The following ATXN1 variants were observed in gnomAD, a reference collection of about 807,000 sequenced individuals.
ATXN1 encodes the protein ataxin 1.
A neutral mutation model predicts 56.4 loss-of-function variants in ATXN1; 8 were observed. That is an observed-to-expected ratio of 0.14 (90% CI 0.08 to 0.26). The LOEUF is 0.26. ATXN1 is among the 10% of genes least tolerant of loss of function. The pLI, the probability that ATXN1 is intolerant of heterozygous loss-of-function variation, is 1.00. For synonymous variants in ATXN1, 514 were observed against 494.6 expected (o/e 1.04, Z -0.52); for missense variants, 987 against 1,106.5 (o/e 0.89, Z 1.53).
At chr6:16,595,981 C>A (rs1762806876) in intron 3 of ATXN1, among the ~76,000 whole-genome samples, 1 of 152,128 alleles carries the variant, frequency 6.6e-6, no homozygotes, top group Admixed American at 6.6e-5. Flanking sequence ...GTCAAGGAAG[C>A]TTTTGCAGCC....
At chr6:16,466,717 A>T (rs1449733349) in intron 6 of ATXN1, among the ~76,000 whole-genome samples, 5 of 152,236 alleles carry the variant, frequency 3.3e-5, no homozygotes, top group African/African-American at 1.2e-4. Context: ...ATATCCATAG[A>T]AAATCTTCTG....
intron 2 of ATXN1, among the ~76,000 whole-genome samples, chr6:16,745,234 T>C (rs1403744847): frequency 2.0e-5 from 3 of 152,240 alleles, no homozygotes; most frequent in Non-Finnish European, 4.4e-5. Context: ...AAGCTCCCTC[T>C]AACTTAGTAT....
chr6:16,565,900 C>T (rs1341384199), intron 4 of ATXN1, among the ~76,000 whole-genome samples: 4 of 152,082 alleles, frequency 2.6e-5, no homozygotes, highest in Non-Finnish European at 5.9e-5. Flanking sequence ...AAAGCACATC[C>T]GGCAAGTGTA....
intron 2 of ATXN1, among the ~76,000 whole-genome samples, chr6:16,703,946 G>C (rs138767035): frequency 0.047 from 7,176 of 152,266 alleles, 183 homozygotes; most frequent in Middle Eastern, 0.092. Context: ...TTGAACCTGG[G>C]GGGTGGAGGT....
At chr6:16,402,242 G>GTTTTTTTTTTTTTTTTT (rs58048762) in intron 6 of ATXN1, among the ~76,000 whole-genome samples, 1 of 62,120 alleles carries the variant, frequency 1.6e-5, no homozygotes, top group Non-Finnish European at 2.9e-5. Flanking sequence ...ACCACTGACA[G>GTTTTTTTTTTTTTTTTT]TTTTTTTTTT....
chr6:16,312,707 G>A (rs1181212787), intron 7 of ATXN1, among the ~76,000 whole-genome samples: 1 of 152,036 alleles, frequency 6.6e-6, no homozygotes, highest in African/African-American at 2.4e-5. Context: ...GACTGAAGGA[G>A]CATTATGACC....
At chr6:16,618,708 C>A (rs1216970664) in intron 3 of ATXN1, among the ~76,000 whole-genome samples, 1 of 125,076 alleles carries the variant, frequency 8.0e-6, no homozygotes. Flanking sequence ...GGTGGCAGAG[C>A]GAGACTCCGT....
chr6:16,493,654 C>A (rs1760714042), intron 5 of ATXN1, among the ~76,000 whole-genome samples: 1 of 152,078 alleles, frequency 6.6e-6, no homozygotes, highest in Non-Finnish European at 1.5e-5. Context: ...AATGATAACT[C>A]TTTGATCAAT....
At chr6:16,426,175 C>T (rs563001052) in intron 6 of ATXN1, among the ~76,000 whole-genome samples, 6 of 152,164 alleles carry the variant, frequency 3.9e-5, no homozygotes, top group African/African-American at 1.4e-4. Context: ...GGCAATATTG[C>T]TTGAAATTTA....
chr6:16,495,488 C>T (rs1308235130), intron 5 of ATXN1, among the ~76,000 whole-genome samples: 1 of 152,180 alleles, frequency 6.6e-6, no homozygotes, highest in Non-Finnish European at 1.5e-5. Flanking sequence ...CTATCAAAGC[C>T]ACAACTTCCT....
At chr6:16,430,685 G>T (rs1202789915) in intron 6 of ATXN1, among the ~76,000 whole-genome samples, 1 of 152,004 alleles carries the variant, frequency 6.6e-6, no homozygotes, top group Admixed American at 6.6e-5. Flanking sequence ...CGATGATAGG[G>T]GTGCAGTGGC....
At chr6:16,613,674 A>C (rs893443601) in intron 3 of ATXN1, among the ~76,000 whole-genome samples, 1 of 151,962 alleles carries the variant, frequency 6.6e-6, no homozygotes, top group African/African-American at 2.4e-5. Context: ...AAGTTAAAAA[A>C]GAAAAAGAGC....
intron 6 of ATXN1, among the ~76,000 whole-genome samples, chr6:16,443,752 A>G (rs1759570840): frequency 6.6e-6 from 1 of 152,230 alleles, no homozygotes; most frequent in South Asian, 2.1e-4. Context: ...ATACTGATGT[A>G]AAATGAATGA....
At chr6:16,705,871 T>A (rs1174231076) in intron 2 of ATXN1, among the ~76,000 whole-genome samples, 1 of 152,124 alleles carries the variant, frequency 6.6e-6, no homozygotes, top group Non-Finnish European at 1.5e-5. Context: ...TGCATAGCAC[T>A]AACAGAATGA....
chr6:16,736,702 G>A (rs1581406386), intron 2 of ATXN1: 1 of 152,148 alleles, frequency 6.6e-6, no homozygotes, highest in Non-Finnish European at 1.5e-5. Flanking sequence ...CATATTCCAG[G>A]TATAAATCCC....
At position 16,306,470 on chromosome 6, in the gene ATXN1, CG is replaced by C; in HGVS notation, c.2306del (p.Thr769ArgfsTer23). ...CTGGCGCCGACCACCTCCTCTTCCT[CG>C]TTGCCGCGGGCTTGCTGGGTTCTAT... is the stretch of plus-strand genomic sequence containing the variant. ...TKIEPSKPAA[T>X]RKRRWSAPES... is the part of the protein sequence containing the mutation. On this transcript the variant is annotated frameshift_variant, in exon 8 of 8. Transcript: ENST00000436367. LOFTEE classifies it high-confidence loss of function. This position sits in a 1 kb window ranked among gnomAD's most constrained non-coding sequence, Gnocchi z 5.2. 6.2e-7 allele frequency: 1 copy of C among 1,614,198 alleles called. No individual in the cohort carries two copies. The highest frequency in any genetic ancestry group is 8.5e-7 in the Non-Finnish European group (1 of 1,180,038).
chr6:16,335,040 A>G (rs1163311163), intron 6 of ATXN1, among the ~76,000 whole-genome samples: 1 of 152,248 alleles, frequency 6.6e-6, no homozygotes, highest in Non-Finnish European at 1.5e-5. Context: ...ACTCAGGGAT[A>G]TGGGGTAGGG....
intron 6 of ATXN1, among the ~76,000 whole-genome samples, chr6:16,429,382 A>AAAT (rs1318837898): frequency 6.6e-6 from 1 of 150,390 alleles, no homozygotes; most frequent in African/African-American, 2.4e-5. Flanking sequence ...AGCATTAAAA[A>AAAT]AAAAAACAAC....
chr6:16,356,449 T>C (rs1222922971), intron 6 of ATXN1, among the ~76,000 whole-genome samples: 1 of 152,240 alleles, frequency 6.6e-6, no homozygotes, highest in Non-Finnish European at 1.5e-5. Flanking sequence ...GTTATGGGAA[T>C]AGTAATGAAT....
Sources: gnomAD v4.1 joint callset for allele counts (sites outside exome capture counted in the v4.1 genomes callset) on GRCh38, gnomAD v4.1.1 for gene constraint, Gnocchi (gnomAD v3.1) non-coding constraint, MANE v1.5 for transcripts, NCBI Gene and HGNC (gene_info 2026-07-23, HGNC 2026-07-21) for gene names.